The following BACH2 variants were observed in gnomAD, a reference collection of about 807,000 sequenced individuals.
BACH2 encodes BACH transcriptional regulator 2.
A neutral mutation model predicts 61.8 loss-of-function variants in BACH2; 5 were observed. That is an observed-to-expected ratio of 0.08 (90% CI 0.04 to 0.17). BACH2 has a LOEUF of 0.17. Ranked by LOEUF, BACH2 falls within the 10% of genes least tolerant of loss-of-function variation. The pLI is 1.00. For missense variants in BACH2, 824 were observed against 1,091.1 expected (o/e 0.76, Z 3.45); for synonymous variants, 446 against 440.1 (o/e 1.01, Z -0.17).
At chr6:90,294,980 T>C (rs2127895681) in intron 1 of BACH2, among the ~76,000 whole-genome samples, 1 of 152,366 alleles carries the variant, frequency 6.6e-6, no homozygotes, top group South Asian at 2.1e-4. Flanking sequence ...GATTTTTATC[T>C]AAAGTAATTA....
chr6:90,064,891 A>G (rs1170702035), intron 5 of BACH2, among the ~76,000 whole-genome samples: 4 of 152,186 alleles, frequency 2.6e-5, no homozygotes, highest in Admixed American at 2.6e-4. Flanking sequence ...CCTTCCTCCA[A>G]AAATTCCATT....
intron 6 of BACH2, among the ~76,000 whole-genome samples, chr6:89,991,383 T>C (rs1197739477): frequency 1.3e-5 from 2 of 152,202 alleles, no homozygotes; most frequent in Non-Finnish European, 2.9e-5. Context: ...CGGGAGGAAC[T>C]AGACTGTGTT....
chr6:90,066,499 G>A (rs1780973096), intron 5 of BACH2, among the ~76,000 whole-genome samples: 1 of 152,176 alleles, frequency 6.6e-6, no homozygotes. Flanking sequence ...CAGGCAAGGA[G>A]AATAGTTAGG....
intron 4 of BACH2, among the ~76,000 whole-genome samples, chr6:90,201,406 A>G (rs1325610064): frequency 6.6e-6 from 1 of 151,998 alleles, no homozygotes; most frequent in Non-Finnish European, 1.5e-5. Flanking sequence ...CATCATTTTA[A>G]TTTGCATTTC....
At chr6:89,935,590 G>A (rs981722907) in intron 8 of BACH2, among the ~76,000 whole-genome samples, 1 of 152,238 alleles carries the variant, frequency 6.6e-6, no homozygotes, top group Non-Finnish European at 1.5e-5. Flanking sequence ...ATTCGGCACT[G>A]AAACACAACG....
At chr6:90,087,756 T>C (rs1011229122) in intron 5 of BACH2, among the ~76,000 whole-genome samples, 3 of 151,914 alleles carry the variant, frequency 2.0e-5, no homozygotes, top group Non-Finnish European at 2.9e-5. Context: ...CTTTTGTGGG[T>C]ATACAGTAGG....
chr6:89,973,717 T>G (rs77185409), intron 6 of BACH2, among the ~76,000 whole-genome samples: 22,833 of 151,768 alleles, frequency 0.15, 1,785 homozygotes, highest in Admixed American at 0.25. Flanking sequence ...AAAATCTGCC[T>G]AGCTGGTTGC....
At chr6:90,022,614 C>T (rs1167723457) in intron 5 of BACH2, among the ~76,000 whole-genome samples, 1 of 152,072 alleles carries the variant, frequency 6.6e-6, no homozygotes, top group South Asian at 2.1e-4. Flanking sequence ...ACGAATTTAA[C>T]CAAAATGGAG....
In BACH2 at chr6:90,092,192, AT is replaced by A. The variant is rs1322890242; in HGVS notation, c.-161-3084del. On this transcript the variant is annotated intron_variant, in intron 4 of 8. Coordinates refer to ENST00000257749, the MANE Select transcript of BACH2 (RefSeq NM_021813.4). ...ATTGCAAAGCTAATTACAAATTTGGATTCTCTCATTTTAAAAATATACTTCG... is the reference window on the plus strand; with the variant it reads ...ATTGCAAAGCTAATTACAAATTTGGATCTCTCATTTTAAAAATATACTTCG... Among the ~76,000 whole-genome samples, 7 of 151,180 alleles carry A rather than the reference AT, an allele frequency of 4.6e-5. No individual in the cohort carries two copies. The South Asian group carries it at 1.5e-3, about 32-fold the overall frequency.
At chr6:90,182,475 G>C (rs73505262) in intron 4 of BACH2, among the ~76,000 whole-genome samples, 2,190 of 152,256 alleles carry the variant, frequency 0.014, 64 homozygotes, top group African/African-American at 0.051. Flanking sequence ...TCAAGAATCA[G>C]GACAGGCTTC....
In BACH2 at chr6:89,989,325, G is replaced by A. The variant is rs769485524; in HGVS notation, c.243+19277C>T. Among the ~76,000 whole-genome samples, 6 of 151,946 alleles carry A rather than the reference G, an allele frequency of 3.9e-5. No individual in the cohort carries two copies. In the South Asian group the frequency reaches 6.2e-4, roughly 16 times the overall value. On this transcript the variant is annotated intron_variant, in intron 6 of 8. Coordinates refer to ENST00000257749, the MANE Select transcript of BACH2 (RefSeq NM_021813.4). ...TCCTTTTCCACCTCCTCACACCCCC[G>A]GTAACCACCACTTGACTTTCTGTTT...
chr6:90,285,072 C>G (rs961561163), intron 1 of BACH2, among the ~76,000 whole-genome samples: 13 of 152,292 alleles, frequency 8.5e-5, no homozygotes, highest in Middle Eastern at 3.4e-3. Flanking sequence ...ATGATTGGAT[C>G]AACTTGTATC....
intron 3 of BACH2, among the ~76,000 whole-genome samples, chr6:90,214,751 CTTTTTT>C (rs563651580): frequency 1.5e-4 from 14 of 94,278 alleles, no homozygotes; most frequent in East Asian, 9.0e-4. Flanking sequence ...GATTCTGTTC[CTTTTTT>C]TTTTTTTTTT....
intron 6 of BACH2, among the ~76,000 whole-genome samples, chr6:89,954,098 A>G (rs1390304791): frequency 2.0e-5 from 3 of 152,302 alleles, no homozygotes; most frequent in African/African-American, 4.8e-5. Context: ...TTACTGCCAC[A>G]TGGCTCCACC....
intron 2 of BACH2, among the ~76,000 whole-genome samples, chr6:90,260,513 A>G (rs1771122466): frequency 6.6e-6 from 1 of 152,200 alleles, no homozygotes; most frequent in African/African-American, 2.4e-5. Flanking sequence ...AAAACTTTAC[A>G]TTCTGCTGCT....
At chr6:90,023,751 C>T (rs1778499745) in intron 5 of BACH2, among the ~76,000 whole-genome samples, 1 of 152,150 alleles carries the variant, frequency 6.6e-6, no homozygotes, top group African/African-American at 2.4e-5. Context: ...AAGAGAACCC[C>T]TCTTACTCTC....
intron 4 of BACH2, among the ~76,000 whole-genome samples, chr6:90,196,661 A>G (rs760530446): frequency 3.9e-5 from 6 of 152,120 alleles, no homozygotes; most frequent in Non-Finnish European, 8.8e-5. Flanking sequence ...GATTGGTTGC[A>G]GTTTTCCTAC....
chr6:90,179,474 C>G (rs969306998), intron 4 of BACH2, among the ~76,000 whole-genome samples: 1 of 152,130 alleles, frequency 6.6e-6, no homozygotes. Flanking sequence ...AGGTTTTCTT[C>G]TAACTGATCT....
At chr6:90,184,450 C>G (rs1209464810) in intron 4 of BACH2, among the ~76,000 whole-genome samples, 1 of 152,174 alleles carries the variant, frequency 6.6e-6, no homozygotes. Flanking sequence ...TGCAATCTCA[C>G]TCACCTCTCT....
Sources: allele counts gnomAD v4.1 joint callset (sites outside exome capture counted in the v4.1 genomes callset), GRCh38; gene constraint gnomAD v4.1.1; transcripts MANE v1.5; gene names NCBI Gene and HGNC (gene_info 2026-07-23, HGNC 2026-07-21).